GAB4: variants seen among roughly 807,000 people sequenced by gnomAD.
GAB4 encodes GRB2 associated binding protein family member 4.
Under a neutral mutation model 51.3 loss-of-function variants are expected in GAB4, and 26 were observed. The ratio of observed to expected loss-of-function variants is 0.51; its 90% CI spans 0.37 to 0.70. The LOEUF (loss-of-function observed/expected upper bound fraction) is 0.70. Ranked by LOEUF, GAB4 falls within the 30% of genes least tolerant of loss-of-function variation. The probability of loss-of-function intolerance (pLI) is 0.00; values close to 1 mark genes in which losing one functional copy is unlikely to be tolerated. For synonymous variants in GAB4, 329 were observed against 291.2 expected (o/e 1.13, Z -1.32); for missense variants, 759 against 734.6 (o/e 1.03, Z -0.38).
chr22:16,993,411 TA>T (rs761696667), intron 1 of GAB4, among the ~76,000 whole-genome samples: 1 of 152,200 alleles, frequency 6.6e-6, no homozygotes, highest in African/African-American at 2.4e-5. Context: ...ATTGGGTTAT[TA>T]TCACAACTCT....
rs772748975 is a variant in GAB4, at chr22:17,008,076, G to A, written c.39C>T (p.Cys13=). The change falls in exon 1 of 10, where the codon TGC becomes TGT. Residue 13 remains cysteine (C), a synonymous_variant. Transcript: ENST00000400588. ...LPSPSPSREL[C]PPDPAFAPLS... ...AAGGCGCAAATGCCGGGTCAGGTGG[G>A]CACAGCTCCCGGGAGGGTGAGGGGG... is the stretch of plus-strand genomic sequence containing the variant. 45 of 1,607,714 alleles carry A rather than the reference G, an allele frequency of 2.8e-5. No homozygotes were observed. The highest frequency in any genetic ancestry group is 3.3e-5 in the Non-Finnish European group (39 of 1,177,294).
rs375165386 is a variant in GAB4, at chr22:17,008,116, G to C, written c.-2C>G. 2.4e-4 allele frequency: 384 copies of C among 1,598,078 alleles called. No homozygotes were observed. Among genetic ancestry groups the C allele is most frequent in the Middle Eastern group, 1.8e-3 (10 of 5,600 alleles). On this transcript the variant is annotated 5_prime_UTR_variant, in exon 1 of 10. Coordinates refer to ENST00000400588, the MANE Select transcript of GAB4 (RefSeq NM_001037814.1). ...GGGTGAGGGGGACGGCAGGGACATG[G>C]GGGCTGCAGCTCACAGTGAAGGTGG...
In GAB4 at chr22:16,968,472, G is replaced by A. The variant is rs2060701883; in HGVS notation, c.938-89C>T. On this transcript the variant is annotated intron_variant, in intron 4 of 9. Transcript: ENST00000400588. ...CCTCCCCAGTGCTGCTTAGGGTCTCGCTGATGCTCTAGAGGACACGACTCT... is the reference window on the plus strand; with the variant it reads ...CCTCCCCAGTGCTGCTTAGGGTCTCACTGATGCTCTAGAGGACACGACTCT... The A allele has an allele frequency of 1.5e-5, 14 of 913,574 alleles. 1 individual carries two copies. Among genetic ancestry groups the A allele is most frequent in the South Asian group, 6.6e-5 (5 of 75,688 alleles). 56.6% of individuals were successfully genotyped at this position (913,574 alleles called of 1,614,324 possible).
chr22:16,995,350 T>C (rs1359730030), intron 1 of GAB4, among the ~76,000 whole-genome samples: 1 of 152,250 alleles, frequency 6.6e-6, no homozygotes, highest in African/African-American at 2.4e-5. Flanking sequence ...GCCTGTAATT[T>C]ACTGGAAATC....
Position 16,990,097 on chromosome 22 carries a change from C to G in GAB4, c.478+1776G>C, listed in dbSNP as rs144325521. On this transcript the variant is annotated intron_variant, in intron 2 of 9. Transcript: ENST00000400588. ...CCAGGCATCACTGTGACTCTTCACTCTTTCTCACCAACCATGTCCTGTCCT... is the reference window on the plus strand; with the variant it reads ...CCAGGCATCACTGTGACTCTTCACTGTTTCTCACCAACCATGTCCTGTCCT... Among the ~76,000 whole-genome samples, 7 of 152,354 alleles carry G rather than the reference C, an allele frequency of 4.6e-5. 1 individual carries two copies. In the East Asian group the frequency reaches 1.4e-3, roughly 29 times the overall value.
At position 16,968,338 on chromosome 22, in the gene GAB4, C is replaced by G; in HGVS notation, c.983G>C (p.Arg328Pro). The change falls in exon 5 of 10, where the codon CGG becomes CCG. Residue 328 changes from arginine to proline, a missense_variant. This residue lies in a region of GAB4 where 588 missense variants were observed against 510.2 expected (regional missense o/e 1.15). Transcript: ENST00000400588. ...YTQHGGGNAS[R>P]PAESMHEGVC... ...TCCCTCATGCATGGACTCAGCAGGC[C>G]GGCTGGCATTCCCTCCACCATGCTG... 6.2e-7 allele frequency: 1 copy of G among 1,614,072 alleles called. No individual in the cohort carries two copies. The highest frequency in any genetic ancestry group is 8.5e-7 in the Non-Finnish European group (1 of 1,179,968).
chr22:16,991,825 GGCCTCATCTCAGCCCCTCCT>G, intron 2 of GAB4, 28 bp downstream of exon 2: 1 of 1,456,962 alleles, frequency 6.9e-7, no homozygotes, highest in Non-Finnish European at 9.4e-7. Context: ...GAGATTGGAG[GGCCTCATCTCAGCCCCTCCT>G]GAGACAGGGC....
intron 5 of GAB4, among the ~76,000 whole-genome samples, chr22:16,967,845 C>T (rs2060693060): frequency 6.6e-6 from 1 of 152,172 alleles, no homozygotes; most frequent in South Asian, 2.1e-4. Context: ...CTGAGTACTG[C>T]CCTTGCCTTG....
intron 3 of GAB4, among the ~76,000 whole-genome samples, chr22:16,987,564 C>T (rs1473345556): frequency 3.3e-5 from 5 of 152,228 alleles, no homozygotes; most frequent in Non-Finnish European, 5.9e-5. Context: ...AGCAGCACAG[C>T]TTAGAATTCA....
At chr22:17,007,842 C>G in intron 1 of GAB4, 99 bp downstream of exon 1, 1 of 1,149,348 alleles carries the variant, frequency 8.7e-7, no homozygotes, top group Non-Finnish European at 1.2e-6. Flanking sequence ...CCTCCACCCG[C>G]AGCTCCTCCC....
chr22:16,969,878 G>C, intron 4 of GAB4, 65 bp downstream of exon 4: 9 of 1,592,460 alleles, frequency 5.7e-6, no homozygotes, highest in Non-Finnish European at 6.9e-6. Flanking sequence ...CACCACTATT[G>C]TTCACCAGGT....
intron 7 of GAB4, 32 bp downstream of exon 7, chr22:16,965,146 C>A: frequency 6.4e-7 from 1 of 1,557,556 alleles, no homozygotes; most frequent in South Asian, 1.1e-5. Flanking sequence ...CGGCCCGGTC[C>A]CAAGCTCCTG....
At chr22:16,994,838 C>T (rs756424343) in intron 1 of GAB4, among the ~76,000 whole-genome samples, 27 of 152,196 alleles carry the variant, frequency 1.8e-4, no homozygotes, top group Non-Finnish European at 3.1e-4. Context: ...AAGTCATACG[C>T]ACAGACATCC....
At chr22:16,982,495 T>C (rs1318913366) in intron 3 of GAB4, among the ~76,000 whole-genome samples, 4 of 152,118 alleles carry the variant, frequency 2.6e-5, no homozygotes, top group African/African-American at 9.7e-5. Flanking sequence ...AACTATAAAA[T>C]ATTTATTAAA....
intron 5 of GAB4, chr22:16,967,296 A>G (rs1351092937): frequency 6.5e-6 from 1 of 152,854 alleles, no homozygotes; most frequent in Non-Finnish European, 1.5e-5. Context: ...CACCATGCAG[A>G]TGTGGCTCAG....
intron 1 of GAB4, among the ~76,000 whole-genome samples, chr22:16,996,566 C>T (rs1391159074): frequency 5.3e-5 from 8 of 152,090 alleles, no homozygotes; most frequent in Non-Finnish European, 7.4e-5. Context: ...AGAGAAAGGT[C>T]GGGCTACCCA....
At chr22:16,963,693 G>C in intron 9 of GAB4, 32 bp downstream of exon 9, 1 of 1,539,690 alleles carries the variant, frequency 6.5e-7, no homozygotes, top group Non-Finnish European at 9.0e-7. Context: ...GGGCCCAAGG[G>C]CTCTGCCCAA....
chr22:17,000,239 G>A (rs1031800926), intron 1 of GAB4, among the ~76,000 whole-genome samples: 33 of 152,212 alleles, frequency 2.2e-4, no homozygotes, highest in Non-Finnish European at 4.0e-4. Context: ...TTGACAGTGG[G>A]GTGTTAAAGT....
intron 3 of GAB4, among the ~76,000 whole-genome samples, chr22:16,973,984 A>G (rs1038602273): frequency 3.3e-5 from 5 of 152,232 alleles, no homozygotes; most frequent in African/African-American, 1.2e-4. Flanking sequence ...GAGCAGGACT[A>G]TATCAGGTAA....
Sources: gnomAD v4.1 joint callset for allele counts (sites outside exome capture counted in the v4.1 genomes callset) on GRCh38, gnomAD v4.1.1 for gene constraint, gnomAD v4.1.1 regional missense constraint, MANE v1.5 for transcripts, NCBI Gene and HGNC (gene_info 2026-07-23, HGNC 2026-07-21) for gene names.